Variants in NRG2 observed in about 807,000 individuals in gnomAD.
NRG2 encodes neuregulin 2.
Under a neutral mutation model 73.9 loss-of-function variants are expected in NRG2, and 27 were observed. The ratio of observed to expected loss-of-function variants is 0.37; its 90% CI spans 0.27 to 0.50. NRG2 has a LOEUF of 0.50. Ranked by LOEUF, NRG2 falls within the 20% of genes least tolerant of loss-of-function variation. The pLI, the probability that NRG2 is intolerant of heterozygous loss-of-function variation, is 0.96. For missense variants in NRG2, 1,126 were observed against 1,210.1 expected, an observed-to-expected ratio of 0.93 and a Z score of 1.03; for synonymous variants, 532 against 541.0, an observed-to-expected ratio of 0.98 and a Z score of 0.23.
intron 1 of NRG2, among the ~76,000 whole-genome samples, chr5:139,912,863 G>A (rs1750939351): frequency 6.6e-6 from 1 of 152,188 alleles, no homozygotes; most frequent in African/African-American, 2.4e-5. Context: ...TGAACCAAGG[G>A]AAAACCGAAA....
chr5:140,032,868 G>A (rs1251453633), intron 1 of NRG2, among the ~76,000 whole-genome samples: 1 of 152,140 alleles, frequency 6.6e-6, no homozygotes, highest in Non-Finnish European at 1.5e-5. Flanking sequence ...TTTAAAGGAA[G>A]AACCCCCAAA....
intron 5 of NRG2, among the ~76,000 whole-genome samples, chr5:139,864,579 C>T (rs1229691549): frequency 2.6e-5 from 4 of 151,922 alleles, no homozygotes; most frequent in African/African-American, 7.3e-5. Context: ...CCTCTCCCAC[C>T]ATCCTGTAGC....
At chr5:139,866,299 A>G (rs932233130) in intron 4 of NRG2, among the ~76,000 whole-genome samples, 2 of 152,240 alleles carry the variant, frequency 1.3e-5, no homozygotes, top group African/African-American at 4.8e-5. Context: ...TGAAAGTTTC[A>G]TAGGAGGAAA....
At chr5:139,969,276 G>A (rs1229109556) in intron 1 of NRG2, among the ~76,000 whole-genome samples, 1 of 152,184 alleles carries the variant, frequency 6.6e-6, no homozygotes, top group Admixed American at 6.5e-5. Context: ...TCTAGATTTG[G>A]CAAAAGGAAA....
intron 1 of NRG2, among the ~76,000 whole-genome samples, chr5:140,030,013 G>C (rs1423426501): frequency 6.6e-6 from 1 of 152,170 alleles, no homozygotes; most frequent in African/African-American, 2.4e-5. Context: ...AAGCCACATT[G>C]CTAGTAGCAA....
chr5:139,987,367 C>CTA (rs1757248336), intron 1 of NRG2, among the ~76,000 whole-genome samples: 1 of 33,236 alleles, frequency 3.0e-5, no homozygotes, highest in Non-Finnish European at 5.7e-5. Flanking sequence ...GACTCTGTCT[C>CTA]AAAAAAAAAA....
Position 139,894,410 on chromosome 5 carries a change from G to A in NRG2, c.701-6899C>T, listed in dbSNP as rs1764427076. Among the ~76,000 whole-genome samples, 1 of 150,832 alleles carries A rather than the reference G, an allele frequency of 6.6e-6. No individual in the cohort carries two copies. The highest frequency in any genetic ancestry group is 2.4e-5 in the African/African-American group (1 of 41,060). ...CCCCTGTCCCACCCACAAAGTGACT[G>A]CAACCTATTGGAGGTTAATTACAGA... On this transcript the variant is annotated intron_variant, in intron 1 of 9. Transcript: ENST00000361474. This position sits in a 1 kb window ranked among gnomAD's most constrained non-coding sequence, Gnocchi z 5.0.
intron 2 of NRG2, among the ~76,000 whole-genome samples, chr5:139,886,632 G>A (rs765162091): frequency 1.4e-4 from 22 of 152,294 alleles, no homozygotes; most frequent in Non-Finnish European, 2.9e-4. Context: ...GCTTCTCCTT[G>A]AGAGGCAGCA....
In NRG2 at chr5:139,954,159, G is replaced by GATC. The variant is rs942168084; in HGVS notation, c.701-66651_701-66649dup. Reference sequence around the variant, plus strand: ...GGTTCTCTCCCCTTGCCTCCTGCACGATCGTGGCAAGACAACTGCTTCTCA... The same window carrying GATC: ...GGTTCTCTCCCCTTGCCTCCTGCACGATCATCGTGGCAAGACAACTGCTTCTCA... On this transcript the variant is annotated intron_variant, in intron 1 of 9. Coordinates refer to ENST00000361474, the MANE Select transcript of NRG2 (RefSeq NM_004883.3). The surrounding 1 kb of genome is among the most constrained non-coding windows in gnomAD (Gnocchi z 5.0). Among the ~76,000 whole-genome samples the GATC allele has an allele frequency of 2.0e-5, 3 of 152,118 alleles. No individual in the cohort carries two copies. The highest frequency in any genetic ancestry group is 7.2e-5 in the African/African-American group (3 of 41,436).
chr5:139,887,232 T>C lies in NRG2; in HGVS notation c.872+108A>G. 7.6e-7 allele frequency: 1 copy of C among 1,309,098 alleles called. No homozygotes were observed. The highest frequency in any genetic ancestry group is 1.1e-6 in the Non-Finnish European group (1 of 925,928). The allele number at this position is 1,309,098 out of a possible 1,614,324, so 81.1% of individuals were successfully genotyped here. A position where few individuals can be genotyped will look rare whatever the true frequency, so the allele number is the denominator to read the frequency against. On this transcript the variant is annotated intron_variant, in intron 2 of 9. Transcript: ENST00000361474. This position sits in a 1 kb window ranked among gnomAD's most constrained non-coding sequence, Gnocchi z 4.5. ...TGGAGAGGGGCTGGGACTGGTTCCA[T>C]GGGTGAGTCTGGGGGCACAGCCCTG...
At chr5:139,944,448 T>C (rs779872568) in intron 1 of NRG2, among the ~76,000 whole-genome samples, 102 of 152,196 alleles carry the variant, frequency 6.7e-4, no homozygotes, top group Non-Finnish European at 1.3e-3. Context: ...TCTGTTCTAC[T>C]TTTTTACTTA....
intron 1 of NRG2, among the ~76,000 whole-genome samples, chr5:139,956,317 T>C (rs1754622793): frequency 6.6e-6 from 1 of 151,018 alleles, no homozygotes; most frequent in Non-Finnish European, 1.5e-5. Context: ...AGCTAGCACC[T>C]CCCCCAGAAA....
chr5:140,038,879 C>A (rs2126709374), intron 1 of NRG2, among the ~76,000 whole-genome samples: 1 of 152,324 alleles, frequency 6.6e-6, no homozygotes, highest in African/African-American at 2.4e-5. Context: ...GTTTCACTTT[C>A]CCATCTTCAA....
intron 1 of NRG2, among the ~76,000 whole-genome samples, chr5:139,893,108 G>A (rs2127146680): frequency 6.6e-6 from 1 of 152,316 alleles, no homozygotes; most frequent in Admixed American, 6.5e-5. Context: ...CAGAGAGAAA[G>A]CCACTGTAGG....
chr5:139,881,251 G>C (rs11748246), intron 2 of NRG2, among the ~76,000 whole-genome samples: 26,029 of 152,152 alleles, frequency 0.17, 2,629 homozygotes, highest in Middle Eastern at 0.35. Flanking sequence ...CTCTTCTAGG[G>C]CTGGACCATT....
chr5:140,024,726 A>G (rs926919062), intron 1 of NRG2, among the ~76,000 whole-genome samples: 1 of 152,064 alleles, frequency 6.6e-6, no homozygotes. Context: ...CTCCCATCCA[A>G]TTATCACAAT....
chr5:139,949,577 C>T (rs1029938204), intron 1 of NRG2, among the ~76,000 whole-genome samples: 2 of 152,106 alleles, frequency 1.3e-5, no homozygotes, highest in African/African-American at 4.8e-5. Flanking sequence ...GACTTCTGTA[C>T]ATATATATTT....
chr5:139,867,787 TGTGTGTGTGTATGA>T (rs1305686573), intron 4 of NRG2, among the ~76,000 whole-genome samples: 132 of 137,148 alleles, frequency 9.6e-4, no homozygotes, highest in African/African-American at 4.0e-3. Context: ...TGTGTGTGTG[TGTGTGTGTGTATGA>T]GTGTGTGTGT....
chr5:139,974,429 G>A (rs923247905), intron 1 of NRG2, among the ~76,000 whole-genome samples: 2 of 152,164 alleles, frequency 1.3e-5, no homozygotes, highest in Non-Finnish European at 2.9e-5. Flanking sequence ...TTGAGCCAGG[G>A]GAAGGGGAGA....
Sources: gnomAD v4.1 joint callset for allele counts (sites outside exome capture counted in the v4.1 genomes callset) on GRCh38, gnomAD v4.1.1 for gene constraint, Gnocchi (gnomAD v3.1) non-coding constraint, MANE v1.5 for transcripts, NCBI Gene and HGNC (gene_info 2026-07-23, HGNC 2026-07-21) for gene names.